Variants in STPG2 observed in about 807,000 individuals in gnomAD.
The protein encoded by STPG2 is sperm tail PG-rich repeat containing 2.
In STPG2, 56 loss-of-function variants were observed where a neutral mutation model predicts 54.2. The ratio of observed to expected loss-of-function variants is 1.03; its 90% CI spans 0.83 to 1.29. The LOEUF is 1.29. Among genes scored for constraint, STPG2 ranks in the 50% most tolerant of loss-of-function variants. The pLI is 0.00. For synonymous variants in STPG2, 200 were observed against 181.8 expected (o/e 1.10, Z -0.81); for missense variants, 596 against 544.9 (o/e 1.09, Z -0.93).
intron 10 of STPG2, among the ~76,000 whole-genome samples, chr4:97,696,075 A>T (rs1325352165): frequency 1.3e-5 from 2 of 152,216 alleles, no homozygotes; most frequent in Non-Finnish European, 2.9e-5. Flanking sequence ...CTAAGCAAAA[A>T]GAACAAATCT....
chr4:98,022,922 AT>A (rs952927832), intron 5 of STPG2, among the ~76,000 whole-genome samples: 3 of 151,824 alleles, frequency 2.0e-5, no homozygotes, highest in Non-Finnish European at 2.9e-5. Context: ...CATTCATCTA[AT>A]TTTTTTCCAA....
At chr4:98,067,956 T>G (rs1737885387) in intron 5 of STPG2, among the ~76,000 whole-genome samples, 1 of 152,070 alleles carries the variant, frequency 6.6e-6, no homozygotes, top group South Asian at 2.1e-4. Context: ...AGCAGGGTTA[T>G]TTTTTTTACT....
intron 9 of STPG2, among the ~76,000 whole-genome samples, chr4:97,839,358 C>T (rs1037689964): frequency 6.6e-6 from 1 of 151,578 alleles, no homozygotes; most frequent in African/African-American, 2.4e-5. Context: ...TAGTGTCAAT[C>T]CTGGCACTTA....
intron 2 of STPG2, among the ~76,000 whole-genome samples, chr4:98,133,761 A>G (rs1038942233): frequency 6.6e-6 from 1 of 152,008 alleles, no homozygotes; most frequent in Admixed American, 6.6e-5. Context: ...TGAGCCTCCA[A>G]CAGGTGAGTT....
At chr4:97,492,775 T>C (rs1391934789) in intron 4 of STPG2, among the ~76,000 whole-genome samples, 1 of 151,128 alleles carries the variant, frequency 6.6e-6, no homozygotes, top group Non-Finnish European at 1.5e-5. Flanking sequence ...TGAGACTATA[T>C]CATTATAACA....
At chr4:97,595,024 T>C (rs1733248674) in intron 10 of STPG2, among the ~76,000 whole-genome samples, 1 of 152,170 alleles carries the variant, frequency 6.6e-6, no homozygotes. Flanking sequence ...AGTTCAACCA[T>C]TGTGGAAGTC....
chr4:97,517,561 T>C (rs953663935), intron 4 of STPG2, among the ~76,000 whole-genome samples: 2 of 152,104 alleles, frequency 1.3e-5, no homozygotes, highest in Non-Finnish European at 2.9e-5. Context: ...ATACAAAATA[T>C]CAGGTCAGTT....
At chr4:97,624,912 T>G (rs1278379558) in intron 10 of STPG2, among the ~76,000 whole-genome samples, 1 of 152,148 alleles carries the variant, frequency 6.6e-6, no homozygotes, top group African/African-American at 2.4e-5. Context: ...GTCAGATTTG[T>G]CAAAGATCAG....
At chr4:97,950,635 C>T (rs1428054360) in intron 7 of STPG2, among the ~76,000 whole-genome samples, 1 of 152,138 alleles carries the variant, frequency 6.6e-6, no homozygotes, top group African/African-American at 2.4e-5. Flanking sequence ...GCTAGTGAAA[C>T]TGCCATTGCA....
intron 9 of STPG2, among the ~76,000 whole-genome samples, chr4:97,818,410 A>G (rs1727980707): frequency 6.6e-6 from 1 of 151,984 alleles, no homozygotes; most frequent in African/African-American, 2.4e-5. Context: ...AAGTAGAACA[A>G]TTACAACAAC....
At chr4:97,553,584 G>A (rs1732014269) in intron 4 of STPG2, among the ~76,000 whole-genome samples, 1 of 152,112 alleles carries the variant, frequency 6.6e-6, no homozygotes, top group African/African-American at 2.4e-5. Context: ...GTAAAAAAAA[G>A]TATTCTAGAC....
At chr4:98,102,600 C>T (rs34461023) in intron 5 of STPG2, among the ~76,000 whole-genome samples, 59,972 of 151,472 alleles carry the variant, frequency 0.4, 12,106 homozygotes, top group Middle Eastern at 0.46. Flanking sequence ...TGAACATTAC[C>T]CTATTAATTA....
At chr4:98,018,343 G>A (rs1736042267) in intron 5 of STPG2, among the ~76,000 whole-genome samples, 1 of 152,126 alleles carries the variant, frequency 6.6e-6, no homozygotes, top group Non-Finnish European at 1.5e-5. Context: ...CAAAGGACAT[G>A]AACTCATCAT....
chr4:97,828,453 C>T (rs1341818375), intron 9 of STPG2, among the ~76,000 whole-genome samples: 1 of 152,124 alleles, frequency 6.6e-6, no homozygotes, highest in Non-Finnish European at 1.5e-5. Flanking sequence ...AAGCACAAAA[C>T]TGGGCAGCTG....
chr4:98,057,140 G>A (rs770889858), intron 5 of STPG2, among the ~76,000 whole-genome samples: 91 of 152,306 alleles, frequency 6.0e-4, no homozygotes, highest in Middle Eastern at 3.4e-3. Context: ...AAAAGCCAGA[G>A]TGCCTTCTTT....
In STPG2 at chr4:97,712,718, G is replaced by C. The variant is rs751454964; in HGVS notation, c.1301C>G (p.Pro434Arg). The C allele has an allele frequency of 6.3e-7, 1 of 1,595,886 alleles. No individual in the cohort carries two copies. The highest frequency in any genetic ancestry group is 8.5e-7 in the Non-Finnish European group (1 of 1,170,064). Residue 434 changes from proline (P) to arginine (R), a missense_variant, in exon 10 of 11, where the codon CCA (proline) becomes CGA (arginine). Pro to Arg is a moderately radical substitution (Grantham distance 103). Coordinates refer to ENST00000295268, the MANE Select transcript of STPG2 (RefSeq NM_174952.3). ...KRFEESKEIT[P>R]GPATYEISQE... ...ACAAACCTCATATGTTGCTGGGCCT[G>C]GAGTAATCTCTTTGGACTCTTCAAA...
chr4:97,722,159 A>C (rs1170037489), intron 9 of STPG2, among the ~76,000 whole-genome samples: 3 of 151,970 alleles, frequency 2.0e-5, no homozygotes, highest in Non-Finnish European at 4.4e-5. Context: ...ATTTATATGC[A>C]AATAAGCTAT....
intron 4 of STPG2, among the ~76,000 whole-genome samples, chr4:97,520,130 A>T (rs1731151855): frequency 6.6e-6 from 1 of 152,128 alleles, no homozygotes; most frequent in African/African-American, 2.4e-5. Context: ...ATTCTGGCCA[A>T]GGACAATGGA....
chr4:98,061,615 A>AG (rs140688920), intron 5 of STPG2, among the ~76,000 whole-genome samples: 59,823 of 151,390 alleles, frequency 0.4, 12,029 homozygotes, highest in Middle Eastern at 0.46. Context: ...AGAAAAAAAA[A>AG]ATTTTAAAAA....
Sources: allele counts gnomAD v4.1 joint callset (sites outside exome capture counted in the v4.1 genomes callset), GRCh38; gene constraint gnomAD v4.1.1; transcripts MANE v1.5; gene names NCBI Gene and HGNC (gene_info 2026-07-23, HGNC 2026-07-21).